Variants in SLCO5A1 observed in about 807,000 individuals in gnomAD.
SLCO5A1 encodes solute carrier organic anion transporter family member 5A1.
A neutral mutation model predicts 65.1 loss-of-function variants in SLCO5A1; 39 were observed. The observed-to-expected ratio is 0.60, with a 90% CI of 0.46 to 0.78. SLCO5A1 has a LOEUF of 0.78. SLCO5A1 is among the 30% of genes least tolerant of loss of function. The pLI is 0.00. For synonymous variants in SLCO5A1, 438 were observed against 415.7 expected, an observed-to-expected ratio of 1.05 and a Z score of -0.65; for missense variants, 1,029 against 1,069.4, an observed-to-expected ratio of 0.96 and a Z score of 0.53.
At chr8:69,764,748 G>A (rs1057444970) in intron 2 of SLCO5A1, among the ~76,000 whole-genome samples, 1 of 152,048 alleles carries the variant, frequency 6.6e-6, no homozygotes, top group Non-Finnish European at 1.5e-5. Flanking sequence ...CAGACAAACC[G>A]GCATCATTAA....
In SLCO5A1 at chr8:69,832,582, T is replaced by G. The variant is rs199597398; in HGVS notation, c.92A>C (p.Glu31Ala). 2 of 1,612,918 alleles carry G rather than the reference T, an allele frequency of 1.2e-6. No individual in the cohort carries two copies. Among genetic ancestry groups the G allele is most frequent in the Non-Finnish European group, 8.5e-7 (1 of 1,179,718 alleles). The change falls in exon 2 of 10, where the codon GAG (glutamate) becomes GCG (alanine). Residue 31 changes from glutamate (E) to alanine (A), a missense_variant. By Grantham distance (107) the Glu-to-Ala change is moderately radical. Transcript: ENST00000260126. This position sits in a 1 kb window ranked among gnomAD's most constrained non-coding sequence, Gnocchi z 4.5. ...CGGTAAACTCTTAGACCTGAGGGTC[T>G]CCGGCTCGCACCTCTCTTGGACAGC... ...AEAVQERCEP[E>A]TLRSKSLPVL...
chr8:69,724,733 AAGGGCCAGGATATTCATTAGCTC>A (rs1211360578), intron 5 of SLCO5A1, among the ~76,000 whole-genome samples: 2 of 152,192 alleles, frequency 1.3e-5, no homozygotes, highest in Non-Finnish European at 1.5e-5. Flanking sequence ...GGCCATATTT[AAGGGCCAGGATATTCATTAGCTC>A]AGGATGTGAT....
At chr8:69,804,882 G>T (rs1320973883) in intron 2 of SLCO5A1, among the ~76,000 whole-genome samples, 1 of 152,090 alleles carries the variant, frequency 6.6e-6, no homozygotes, top group Non-Finnish European at 1.5e-5. Context: ...CAACCTGCAG[G>T]CCGGGCTCCT....
intron 5 of SLCO5A1, among the ~76,000 whole-genome samples, chr8:69,736,420 GCACTGCACTACTCTCC>G: frequency 6.6e-6 from 1 of 152,222 alleles, no homozygotes; most frequent in East Asian, 1.9e-4. Context: ...ACCCGGCTCA[GCACTGCACTACTCTCC>G]CACTAACCCT....
At chr8:69,691,970 C>T (rs896269860) in intron 6 of SLCO5A1, among the ~76,000 whole-genome samples, 8 of 152,246 alleles carry the variant, frequency 5.3e-5, no homozygotes, top group East Asian at 1.9e-4. Flanking sequence ...AGTATAAGGC[C>T]GGACGCGGTG....
chr8:69,771,176 G>T (rs1000110199), intron 2 of SLCO5A1, among the ~76,000 whole-genome samples: 3 of 152,004 alleles, frequency 2.0e-5, no homozygotes, highest in South Asian at 2.1e-4. Context: ...TAGAGATGGG[G>T]TTCCACCGTG....
At chr8:69,729,888 A>G (rs1816258635) in intron 5 of SLCO5A1, among the ~76,000 whole-genome samples, 1 of 152,220 alleles carries the variant, frequency 6.6e-6, no homozygotes, top group South Asian at 2.1e-4. Flanking sequence ...GGGATTTAAC[A>G]AAAAGCCTTC....
chr8:69,679,375 C>G lies in SLCO5A1; in HGVS notation c.2024+3G>C. On this transcript the variant is annotated splice_donor_region_variant and intron_variant, in intron 8 of 9. Transcript: ENST00000260126. ...CACCCCAGAAGTTGAATGCTGTTCT[C>G]ACCTGAGTGTTACTATGATAGCTGA... 6.2e-7 allele frequency: 1 copy of G among 1,614,178 alleles called. No individual in the cohort carries two copies. Among genetic ancestry groups the G allele is most frequent in the Non-Finnish European group, 8.5e-7 (1 of 1,180,014 alleles).
intron 2 of SLCO5A1, among the ~76,000 whole-genome samples, chr8:69,827,500 A>G (rs1820973809): frequency 6.6e-6 from 1 of 152,192 alleles, no homozygotes; most frequent in Admixed American, 6.5e-5. Flanking sequence ...GAATGTTAAC[A>G]TAGAACTTTC....
chr8:69,676,770 G>A, intron 8 of SLCO5A1, 97 bp from the exon 9 acceptor site: 1 of 899,996 alleles, frequency 1.1e-6, no homozygotes, highest in Non-Finnish European at 1.7e-6. Flanking sequence ...AGGGACTAAA[G>A]ATGCCATGCC....
intron 6 of SLCO5A1, among the ~76,000 whole-genome samples, chr8:69,687,539 G>C (rs1814056197): frequency 6.6e-6 from 1 of 152,038 alleles, no homozygotes; most frequent in Admixed American, 6.5e-5. Flanking sequence ...ATAAAATAAT[G>C]TGTCACTTAT....
intron 8 of SLCO5A1, among the ~76,000 whole-genome samples, chr8:69,678,195 C>T (rs1378165044): frequency 2.6e-5 from 4 of 152,098 alleles, no homozygotes; most frequent in African/African-American, 9.7e-5. Flanking sequence ...TAAGTCTTTC[C>T]TGGGCCTTAA....
intron 5 of SLCO5A1, among the ~76,000 whole-genome samples, chr8:69,736,316 C>A (rs1421037929): frequency 6.6e-6 from 1 of 152,194 alleles, no homozygotes. Context: ...CCAGCTGAAC[C>A]CTTTATTTTC....
chr8:69,756,509 C>T (rs1817548158), intron 3 of SLCO5A1, among the ~76,000 whole-genome samples: 1 of 152,142 alleles, frequency 6.6e-6, no homozygotes, highest in South Asian at 2.1e-4. Flanking sequence ...TTAGTCCTTG[C>T]CTTCAAGAAC....
At chr8:69,750,245 G>A (rs966072842) in intron 4 of SLCO5A1, among the ~76,000 whole-genome samples, 14 of 152,130 alleles carry the variant, frequency 9.2e-5, no homozygotes, top group African/African-American at 3.1e-4. Flanking sequence ...CAGGTAGAAA[G>A]GGGGCAAGGG....
chr8:69,783,164 A>G (rs1379825965), intron 2 of SLCO5A1, among the ~76,000 whole-genome samples: 1 of 152,142 alleles, frequency 6.6e-6, no homozygotes, highest in Non-Finnish European at 1.5e-5. Flanking sequence ...AGTTAAAATT[A>G]TTATTCTGAG....
chr8:69,812,250 C>G (rs1271676334), intron 2 of SLCO5A1, among the ~76,000 whole-genome samples: 1 of 152,170 alleles, frequency 6.6e-6, no homozygotes, highest in Non-Finnish European at 1.5e-5. Context: ...TATAGCAACT[C>G]CCCTCTCCCA....
rs139036605 is a variant in SLCO5A1 at position 69,756,813 on chromosome 8, G to A, written c.1041-1172C>T. ...GCCCTGGGCTTCTTGACTGCATGAT[G>A]CCCCGTGGGGCAATTTCTCAGTTCC... is the stretch of plus-strand genomic sequence containing the variant. On this transcript the variant is annotated intron_variant, in intron 3 of 9. Coordinates refer to ENST00000260126, the MANE Select transcript of SLCO5A1 (RefSeq NM_030958.3). Among the ~76,000 whole-genome samples, 84 of 152,340 alleles carry A rather than the reference G, an allele frequency of 5.5e-4. 2 individuals are homozygous for A. In the South Asian group the frequency reaches 9.1e-3, roughly 17 times the overall value.
chr8:69,668,873 A>G lies in SLCO5A1; in HGVS notation c.*3996T>C, dbSNP rs1360854428. 1 of 152,178 alleles carries G rather than the reference A, an allele frequency of 6.6e-6. No homozygotes were observed. Among genetic ancestry groups the G allele is most frequent in the African/African-American group, 2.4e-5 (1 of 41,424 alleles). The allele number at this position is 152,178 out of a possible 1,614,324, so 9.4% of individuals were successfully genotyped here. A position where few individuals can be genotyped will look rare whatever the true frequency, so the allele number is the denominator to read the frequency against. On this transcript the variant is annotated 3_prime_UTR_variant, in exon 10 of 10. Coordinates refer to ENST00000260126, the MANE Select transcript of SLCO5A1 (RefSeq NM_030958.3). ...CAATGTCACAGCGACTAAAGGGAAC[A>G]ATCGGGATCAGTGGTTTGATATGTA...
Sources: allele counts gnomAD v4.1 joint callset (sites outside exome capture counted in the v4.1 genomes callset), GRCh38; gene constraint gnomAD v4.1.1; non-coding constraint Gnocchi (gnomAD v3.1); transcripts MANE v1.5; gene names NCBI Gene and HGNC (gene_info 2026-07-23, HGNC 2026-07-21).